The following PPP2R2B variants were observed in gnomAD, a reference collection of about 807,000 sequenced individuals.
PPP2R2B encodes the protein protein phosphatase 2 regulatory subunit Bbeta.
PPP2R2B carries 5 observed loss-of-function variants against 46.0 expected under a neutral mutation model. The observed-to-expected ratio is 0.11, with a 90% CI of 0.06 to 0.23. PPP2R2B has a LOEUF of 0.23. Ranked by LOEUF, PPP2R2B falls within the 10% of genes least tolerant of loss-of-function variation. PPP2R2B has a pLI of 1.00. For synonymous variants in PPP2R2B, 215 were observed against 206.7 expected (o/e 1.04, Z -0.34); for missense variants, 367 against 575.0 (o/e 0.64, Z 3.70).
In PPP2R2B at chr5:146,603,442, A is replaced by G. The variant is rs185969743; in HGVS notation, c.791-2982T>C. On this transcript the variant is annotated intron_variant, in intron 7 of 9. Transcript: ENST00000394411. Reference sequence around the variant, plus strand: ...GGCATATTGGGAAGCCAGTGCAGCAACACTGTAAAGCCTCACAATGACACC... The same window carrying G: ...GGCATATTGGGAAGCCAGTGCAGCAGCACTGTAAAGCCTCACAATGACACC... Among the ~76,000 whole-genome samples, 291 of 152,360 alleles carry G rather than the reference A, an allele frequency of 1.9e-3. 2 individuals are homozygous for G. Among genetic ancestry groups the G allele is most frequent in the Middle Eastern group, 6.8e-3 (2 of 294 alleles).
intron 1 of PPP2R2B, among the ~76,000 whole-genome samples, chr5:146,935,050 C>T (rs1231726362): frequency 6.6e-6 from 1 of 152,226 alleles, no homozygotes; most frequent in East Asian, 1.9e-4. Flanking sequence ...AGTTTCTAGG[C>T]ATTGAAGATT....
At chr5:147,014,630 G>T (rs1182291972) in intron 1 of PPP2R2B, among the ~76,000 whole-genome samples, 1 of 150,856 alleles carries the variant, frequency 6.6e-6, no homozygotes, top group Admixed American at 6.7e-5. Context: ...GTAAACTATC[G>T]CAAGAACAAA....
chr5:147,019,351 C>T (rs1755153044), intron 1 of PPP2R2B, among the ~76,000 whole-genome samples: 1 of 152,110 alleles, frequency 6.6e-6, no homozygotes, highest in South Asian at 2.1e-4. Flanking sequence ...TAAATTGTTA[C>T]TTGGAACTGT....
chr5:146,643,184 G>A (rs1300012095), intron 6 of PPP2R2B, among the ~76,000 whole-genome samples: 2 of 119,800 alleles, frequency 1.7e-5, no homozygotes, highest in Admixed American at 8.2e-5. Flanking sequence ...ACACACACAC[G>A]AGAGAGAGAG....
intron 2 of PPP2R2B, among the ~76,000 whole-genome samples, chr5:146,866,210 T>C (rs1011877487): frequency 6.6e-6 from 1 of 152,222 alleles, no homozygotes; most frequent in African/African-American, 2.4e-5. Context: ...TTTTACAAAA[T>C]GGAGATAATA....
intron 2 of PPP2R2B, among the ~76,000 whole-genome samples, chr5:146,865,024 T>C (rs1367467287): frequency 6.6e-6 from 1 of 152,182 alleles, no homozygotes; most frequent in East Asian, 1.9e-4. Flanking sequence ...TTTTAGAAAC[T>C]TGTTCTAAAA....
chr5:146,664,966 C>T (rs991888430), intron 5 of PPP2R2B, among the ~76,000 whole-genome samples: 2 of 151,184 alleles, frequency 1.3e-5, no homozygotes, highest in African/African-American at 4.9e-5. Flanking sequence ...TAGGTCTCAA[C>T]AGTGGGTTTA....
intron 4 of PPP2R2B, among the ~76,000 whole-genome samples, chr5:146,694,708 G>A (rs1779073348): frequency 6.6e-6 from 1 of 151,560 alleles, no homozygotes; most frequent in South Asian, 2.1e-4. Flanking sequence ...TATTATACAA[G>A]CGATACATGG....
chr5:146,947,390 G>A (rs941346455), intron 1 of PPP2R2B, among the ~76,000 whole-genome samples: 1 of 152,112 alleles, frequency 6.6e-6, no homozygotes, highest in Non-Finnish European at 1.5e-5. Flanking sequence ...AGGATCAACA[G>A]GGACCAGCAC....
At chr5:146,590,905 T>C (rs1228646016) in intron 9 of PPP2R2B, among the ~76,000 whole-genome samples, 2 of 151,898 alleles carry the variant, frequency 1.3e-5, no homozygotes, top group African/African-American at 2.4e-5. Context: ...AATAAAAAGA[T>C]TTTATATGGT....
At position 146,878,118 on chromosome 5, in the gene PPP2R2B, A is replaced by T; in HGVS notation, c.-47T>A. ...GGGAACCAGAAGCCGGCAGACAAGT[A>T]TCCATGATCCCTCCCCGCAGCCAGT... On this transcript the variant is annotated 5_prime_UTR_variant, in exon 2 of 10. Transcript: ENST00000394411. This position sits in a 1 kb window ranked among gnomAD's most constrained non-coding sequence, Gnocchi z 4.5. The T allele has an allele frequency of 6.2e-7, 1 of 1,613,706 alleles. No individual in the cohort carries two copies. The highest frequency in any genetic ancestry group is 8.5e-7 in the Non-Finnish European group (1 of 1,179,848).
chr5:147,004,372 A>G (rs1754329392), intron 1 of PPP2R2B, among the ~76,000 whole-genome samples: 1 of 152,168 alleles, frequency 6.6e-6, no homozygotes, highest in Admixed American at 6.5e-5. Flanking sequence ...AGCTCATGTC[A>G]TCACCCTTGC....
intron 2 of PPP2R2B, among the ~76,000 whole-genome samples, chr5:146,873,601 C>G (rs1424244219): frequency 6.6e-6 from 1 of 152,128 alleles, no homozygotes. Flanking sequence ...ATAGACCCAC[C>G]ACCTCAATTT....
intron 7 of PPP2R2B, among the ~76,000 whole-genome samples, chr5:146,630,776 C>T (rs1157431523): frequency 6.6e-6 from 1 of 152,178 alleles, no homozygotes; most frequent in African/African-American, 2.4e-5. Flanking sequence ...GGAAGCAAGA[C>T]ACCATCTTCA....
At chr5:146,732,993 C>G (rs1377390738) in intron 2 of PPP2R2B, among the ~76,000 whole-genome samples, 26 of 152,202 alleles carry the variant, frequency 1.7e-4, no homozygotes, top group Non-Finnish European at 2.9e-5. Flanking sequence ...CCATAAATTA[C>G]TGATACACAC....
At chr5:146,728,138 CTT>C (rs757396751) in intron 2 of PPP2R2B, among the ~76,000 whole-genome samples, 27 of 82,508 alleles carry the variant, frequency 3.3e-4, no homozygotes, top group African/African-American at 8.6e-4. Flanking sequence ...GAAACACTTA[CTT>C]TTTTTTTTTT....
chr5:146,992,576 T>C (rs1234806006), intron 1 of PPP2R2B, among the ~76,000 whole-genome samples: 2 of 152,142 alleles, frequency 1.3e-5, no homozygotes, highest in East Asian at 1.9e-4. Flanking sequence ...ATACCCCTAA[T>C]AGGGAGGACA....
intron 2 of PPP2R2B, among the ~76,000 whole-genome samples, chr5:146,810,867 T>C (rs1757494881): frequency 7.6e-6 from 1 of 131,510 alleles, no homozygotes. Flanking sequence ...ATGCTATCCG[T>C]CCCCCCTCCC....
chr5:146,623,050 C>G (rs1331874729), intron 7 of PPP2R2B, among the ~76,000 whole-genome samples: 1 of 152,180 alleles, frequency 6.6e-6, no homozygotes, highest in Admixed American at 6.5e-5. Flanking sequence ...AATTTAGTAT[C>G]CATGAAATGT....
Sources: allele counts gnomAD v4.1 joint callset (sites outside exome capture counted in the v4.1 genomes callset), GRCh38; gene constraint gnomAD v4.1.1; non-coding constraint Gnocchi (gnomAD v3.1); transcripts MANE v1.5; gene names NCBI Gene and HGNC (gene_info 2026-07-23, HGNC 2026-07-21).